The following KATNAL1 variants were observed in gnomAD, a reference collection of about 807,000 sequenced individuals.
The protein encoded by KATNAL1 is katanin catalytic subunit A1 like 1, also known as katanin p60 ATPase-containing subunit A-like 1.
A neutral mutation model predicts 55.2 loss-of-function variants in KATNAL1; 32 were observed. The ratio of observed to expected loss-of-function variants is 0.58; its 90% CI spans 0.44 to 0.78. The LOEUF is 0.78. Among genes scored for constraint, KATNAL1 ranks in the 30% least tolerant of loss-of-function variants. KATNAL1 has a pLI of 0.00. For synonymous variants in KATNAL1, 193 were observed against 193.6 expected, an observed-to-expected ratio of 1.00 and a Z score of 0.02; for missense variants, 466 against 600.9, an observed-to-expected ratio of 0.78 and a Z score of 2.35.
intron 9 of KATNAL1, among the ~76,000 whole-genome samples, chr13:30,215,717 T>C (rs866114156): frequency 9.2e-5 from 14 of 151,874 alleles, no homozygotes; most frequent in African/African-American, 1.4e-4. Flanking sequence ...TAGGTGGGAA[T>C]TGAACAATGA....
intron 1 of KATNAL1, among the ~76,000 whole-genome samples, chr13:30,305,765 G>A (rs1883140546): frequency 1.3e-5 from 2 of 152,224 alleles, no homozygotes; most frequent in African/African-American, 4.8e-5. Flanking sequence ...ACACTACTGT[G>A]ATGACAAGAC....
At chr13:30,238,491 T>C (rs1421291525) in intron 6 of KATNAL1, among the ~76,000 whole-genome samples, 1 of 152,160 alleles carries the variant, frequency 6.6e-6, no homozygotes, top group Non-Finnish European at 1.5e-5. Context: ...CAAAAACACT[T>C]ACACTTTCTC....
At chr13:30,252,849 C>T (rs765804234) in intron 4 of KATNAL1, among the ~76,000 whole-genome samples, 1 of 151,914 alleles carries the variant, frequency 6.6e-6, no homozygotes, top group Non-Finnish European at 1.5e-5. Flanking sequence ...CAGGTTCAAG[C>T]GATTCTCATG....
chr13:30,299,141 A>G (rs1021689109), intron 1 of KATNAL1, among the ~76,000 whole-genome samples: 3 of 152,166 alleles, frequency 2.0e-5, no homozygotes, highest in Non-Finnish European at 4.4e-5. Context: ...GTAAGGGTGT[A>G]GGGGGTTGGC....
In KATNAL1 at chr13:30,280,117, T is replaced by C. The variant is rs137952256; in HGVS notation, c.269A>G (p.Asp90Gly). 6.8e-6 allele frequency: 11 copies of C among 1,613,618 alleles called. No individual in the cohort carries two copies. The East Asian group carries it at 2.2e-4, about 33-fold the overall frequency. The change falls in exon 3 of 11, where the codon GAT (aspartate) becomes GGT (glycine). Residue 90 changes from aspartate to glycine, a missense_variant. This residue lies in a region of KATNAL1 where 248 missense variants were observed against 275.5 expected (regional missense o/e 0.90). Coordinates refer to ENST00000380615, the MANE Select transcript of KATNAL1 (RefSeq NM_032116.5). ...AACAGCAGGATCTCTAAATGGTTCA[T>C]CTTGACAGGACACAGGGAAATCTGG... is the stretch of plus-strand genomic sequence containing the variant. Reference protein sequence around the residue: ...KPPDFPVSCQDEPFRDPAVWP... With the variant: ...KPPDFPVSCQGEPFRDPAVWP...
At chr13:30,219,032 T>C (rs1464460458) in intron 9 of KATNAL1, among the ~76,000 whole-genome samples, 4 of 152,230 alleles carry the variant, frequency 2.6e-5, no homozygotes, top group Admixed American at 2.6e-4. Flanking sequence ...GGAAATTATA[T>C]AAAGAGGCAT....
intron 1 of KATNAL1, among the ~76,000 whole-genome samples, chr13:30,304,493 C>T (rs1883061552): frequency 6.6e-6 from 1 of 152,162 alleles, no homozygotes; most frequent in South Asian, 2.1e-4. Context: ...TGGTCTCGAT[C>T]TCTTGATCTC....
intron 4 of KATNAL1, among the ~76,000 whole-genome samples, chr13:30,250,969 T>G (rs1361194106): frequency 6.6e-6 from 1 of 152,032 alleles, no homozygotes; most frequent in African/African-American, 2.4e-5. Flanking sequence ...AAACCCCATC[T>G]CTACTAAAAG....
intron 9 of KATNAL1, among the ~76,000 whole-genome samples, chr13:30,221,243 A>G (rs1200659431): frequency 2.0e-5 from 3 of 152,198 alleles, no homozygotes; most frequent in African/African-American, 7.2e-5. Context: ...CCATGATGAA[A>G]TAACTGTTAC....
At chr13:30,297,955 CTCAGCA>C (rs1882624132) in intron 1 of KATNAL1, among the ~76,000 whole-genome samples, 2 of 152,156 alleles carry the variant, frequency 1.3e-5, no homozygotes, top group Non-Finnish European at 2.9e-5. Flanking sequence ...TATCCCAAAC[CTCAGCA>C]TCATGCAATA....
chr13:30,277,664 T>TAC (rs1208962455), intron 3 of KATNAL1, among the ~76,000 whole-genome samples: 1 of 152,348 alleles, frequency 6.6e-6, no homozygotes, highest in East Asian at 1.9e-4. Context: ...AGCCCTTGCA[T>TAC]ACATTCTGTG....
At chr13:30,225,192 C>A (rs1030193830) in intron 9 of KATNAL1, among the ~76,000 whole-genome samples, 6 of 152,246 alleles carry the variant, frequency 3.9e-5, no homozygotes, top group Admixed American at 1.3e-4. Context: ...CCAATGTATC[C>A]TCATGGATTC....
At chr13:30,288,224 A>C (rs1021577482) in intron 1 of KATNAL1, among the ~76,000 whole-genome samples, 1 of 152,204 alleles carries the variant, frequency 6.6e-6, no homozygotes, top group African/African-American at 2.4e-5. Flanking sequence ...AGTCACAAGC[A>C]TATGATTTCA....
At chr13:30,245,629 T>C (rs1877713680) in intron 4 of KATNAL1, among the ~76,000 whole-genome samples, 1 of 152,208 alleles carries the variant, frequency 6.6e-6, no homozygotes, top group Admixed American at 6.5e-5. Context: ...TGTTTGCAGA[T>C]GACATGACTA....
intron 3 of KATNAL1, among the ~76,000 whole-genome samples, chr13:30,277,007 G>A (rs1246664305): frequency 1.3e-5 from 2 of 152,056 alleles, no homozygotes; most frequent in African/African-American, 4.8e-5. Flanking sequence ...ATAAAATAAT[G>A]CATATAACAC....
intron 6 of KATNAL1, among the ~76,000 whole-genome samples, chr13:30,234,392 T>C (rs1876444717): frequency 6.6e-6 from 1 of 152,168 alleles, no homozygotes; most frequent in Non-Finnish European, 1.5e-5. Flanking sequence ...CTTCATTTAC[T>C]AACCTAATGG....
chr13:30,271,422 G>T (rs1880345052), intron 3 of KATNAL1, among the ~76,000 whole-genome samples: 1 of 152,164 alleles, frequency 6.6e-6, no homozygotes, highest in Admixed American at 6.5e-5. Flanking sequence ...CTCAGCTTCT[G>T]GAGAGGCCTC....
chr13:30,285,836 G>A (rs1184643249), intron 1 of KATNAL1, among the ~76,000 whole-genome samples: 1 of 152,216 alleles, frequency 6.6e-6, no homozygotes, highest in Non-Finnish European at 1.5e-5. Context: ...TTCAAGCTGA[G>A]GTGGTTGCAG....
intron 4 of KATNAL1, among the ~76,000 whole-genome samples, chr13:30,250,055 A>G (rs1878157000): frequency 6.6e-6 from 1 of 152,194 alleles, no homozygotes; most frequent in Admixed American, 6.5e-5. Context: ...TTGTATCTCT[A>G]TGGTGGAAAC....
Sources: allele counts gnomAD v4.1 joint callset (sites outside exome capture counted in the v4.1 genomes callset), GRCh38; gene constraint gnomAD v4.1.1; regional missense constraint gnomAD v4.1.1; transcripts MANE v1.5; gene names NCBI Gene and HGNC (gene_info 2026-07-23, HGNC 2026-07-21).